Variants in PARD3 observed in about 807,000 individuals in gnomAD.
PARD3 encodes the protein partitioning defective 3 homolog.
In PARD3, 75 loss-of-function variants were observed where a neutral mutation model predicts 155.4. That is an observed-to-expected ratio of 0.48 (90% CI 0.40 to 0.58). The LOEUF (loss-of-function observed/expected upper bound fraction) is 0.58. Among genes scored for constraint, PARD3 ranks in the 20% least tolerant of loss-of-function variants. The pLI, the probability that PARD3 is intolerant of heterozygous loss-of-function variation, is 0.00. For missense variants in PARD3, 1,642 were observed against 1,721.7 expected, an observed-to-expected ratio of 0.95 and a Z score of 0.82; for synonymous variants, 576 against 610.5, an observed-to-expected ratio of 0.94 and a Z score of 0.83.
intron 1 of PARD3, among the ~76,000 whole-genome samples, chr10:34,741,288 G>C (rs11009909): frequency 1.3e-5 from 2 of 150,084 alleles, no homozygotes; most frequent in Non-Finnish European, 3.0e-5. Flanking sequence ...GGGCTCAAGT[G>C]ATCCTCCCAC....
chr10:34,765,353 T>C (rs573409186), intron 1 of PARD3, among the ~76,000 whole-genome samples: 1 of 152,254 alleles, frequency 6.6e-6, no homozygotes, highest in East Asian at 1.9e-4. Context: ...AAACCAGGCA[T>C]GGTTTTGAGT....
At chr10:34,308,147 A>G (rs891073329) in intron 20 of PARD3, among the ~76,000 whole-genome samples, 1 of 150,348 alleles carries the variant, frequency 6.7e-6, no homozygotes, top group Admixed American at 6.6e-5. Flanking sequence ...AAAGAGCGGT[A>G]GGGACAAGGT....
Position 34,466,354 on chromosome 10 carries a change from G to GA in PARD3, c.582+3730dup. Among the ~76,000 whole-genome samples the GA allele has an allele frequency of 2.6e-5, 4 of 152,206 alleles. No homozygotes were observed. The South Asian group carries it at 8.3e-4, about 32-fold the overall frequency. On this transcript the variant is annotated intron_variant, in intron 4 of 24. Coordinates refer to ENST00000374788, the MANE Select transcript of PARD3 (RefSeq NM_001184785.2). ...AGATTATGACCACTATTTCAACAAGGAAGACTCCACCTCTCGTTTGTGATT... is the reference window on the plus strand; with the variant it reads ...AGATTATGACCACTATTTCAACAAGGAAAGACTCCACCTCTCGTTTGTGATT...
intron 2 of PARD3, among the ~76,000 whole-genome samples, chr10:34,627,578 C>T (rs1407800851): frequency 6.6e-6 from 1 of 152,138 alleles, no homozygotes; most frequent in Non-Finnish European, 1.5e-5. Flanking sequence ...AGGGAGAAGG[C>T]CAGGTGAAGG....
intron 3 of PARD3, among the ~76,000 whole-genome samples, chr10:34,483,903 CTTAA>C (rs1351467254): frequency 1.3e-5 from 2 of 152,142 alleles, no homozygotes; most frequent in Admixed American, 1.3e-4. Context: ...ATAAAGACAT[CTTAA>C]TTAATATATA....
intron 1 of PARD3, among the ~76,000 whole-genome samples, chr10:34,798,790 C>T (rs959742596): frequency 1.3e-5 from 2 of 151,858 alleles, no homozygotes; most frequent in Middle Eastern, 3.2e-3. Flanking sequence ...CTGATCATCT[C>T]AACTTGTGTT....
chr10:34,808,917 C>T (rs544455226), intron 1 of PARD3, among the ~76,000 whole-genome samples: 9 of 152,308 alleles, frequency 5.9e-5, no homozygotes, highest in Non-Finnish European at 1.2e-4. Flanking sequence ...TCTCAACTGA[C>T]GGAATCAGAG....
chr10:34,790,467 G>A (rs1013616915), intron 1 of PARD3, among the ~76,000 whole-genome samples: 8 of 152,190 alleles, frequency 5.3e-5, no homozygotes, highest in African/African-American at 1.9e-4. Context: ...CCCTGATAAG[G>A]CTAGCAAGCC....
intron 2 of PARD3, among the ~76,000 whole-genome samples, chr10:34,666,331 A>G (rs2093470608): frequency 6.6e-6 from 1 of 152,166 alleles, no homozygotes; most frequent in African/African-American, 2.4e-5. Context: ...ATGGCTGATC[A>G]AGCAGCCAGA....
intron 1 of PARD3, among the ~76,000 whole-genome samples, chr10:34,776,899 C>T (rs1416450469): frequency 6.8e-6 from 1 of 147,362 alleles, no homozygotes; most frequent in Non-Finnish European, 1.5e-5. Context: ...TGCAATGGCA[C>T]AATCTCAGCT....
intron 20 of PARD3, among the ~76,000 whole-genome samples, chr10:34,302,457 A>G (rs1957200481): frequency 6.6e-6 from 1 of 152,188 alleles, no homozygotes. Flanking sequence ...CAAAGAGGTT[A>G]ATTAACTGGC....
At chr10:34,705,426 T>C (rs761757702) in intron 1 of PARD3, among the ~76,000 whole-genome samples, 7 of 150,460 alleles carry the variant, frequency 4.7e-5, no homozygotes, top group Non-Finnish European at 1.0e-4. Flanking sequence ...AGGTGGACAA[T>C]ACAGTAAGCT....
At chr10:34,698,093 C>T (rs1229652590) in intron 1 of PARD3, among the ~76,000 whole-genome samples, 3 of 152,036 alleles carry the variant, frequency 2.0e-5, no homozygotes, top group Admixed American at 2.0e-4. Context: ...TCAAGGGTGA[C>T]CCAATCAACT....
At chr10:34,607,845 C>G (rs1203779623) in intron 2 of PARD3, among the ~76,000 whole-genome samples, 3 of 152,190 alleles carry the variant, frequency 2.0e-5, no homozygotes, top group Admixed American at 2.0e-4. Flanking sequence ...TTTTCTTTCA[C>G]CTAACATCAG....
chr10:34,196,017 T>C lies in PARD3; in HGVS notation c.3420-64434A>G, dbSNP rs185151390. Among the ~76,000 whole-genome samples the C allele has an allele frequency of 2.3e-3, 355 of 152,320 alleles. 1 individual carries two copies. Among genetic ancestry groups the C allele is most frequent in the African/African-American group, 6.7e-3 (278 of 41,584 alleles). ...GCACAGAATATGCATTCAAGAAATA[T>C]TAGCTATAATAGAATTGGTTTACTT... On this transcript the variant is annotated intron_variant, in intron 22 of 24. Coordinates refer to ENST00000374788, the MANE Select transcript of PARD3 (RefSeq NM_001184785.2).
intron 2 of PARD3, among the ~76,000 whole-genome samples, chr10:34,536,203 CA>C (rs946082130): frequency 5.3e-5 from 8 of 150,342 alleles, no homozygotes; most frequent in East Asian, 1.9e-4. Context: ...TTCAGTATAA[CA>C]AAAAAAAAAT....
rs1554804682 is a variant in PARD3 at position 34,666,816 on chromosome 10, T to TACACAC, written c.222+29496_222+29501dup. On this transcript the variant is annotated intron_variant, in intron 2 of 24. Transcript: ENST00000374788. ...AAAAAAATATATATATATATATATA[T>TACACAC]ACACACACACACACACACACAAACA... Among the ~76,000 whole-genome samples, 511 of 88,736 alleles carry TACACAC rather than the reference T, an allele frequency of 5.8e-3. 14 individuals carry two copies. The highest frequency in any genetic ancestry group is 0.021 in the African/African-American group (455 of 21,294). The allele number at this position is 88,736 out of a possible 152,430, so 58.2% of individuals were successfully genotyped here. A position where few individuals can be genotyped will look rare whatever the true frequency, so the allele number is the denominator to read the frequency against.
intron 2 of PARD3, among the ~76,000 whole-genome samples, chr10:34,681,728 TTTTATATA>T (rs1274421082): frequency 2.0e-4 from 13 of 65,542 alleles, no homozygotes; most frequent in African/African-American, 6.9e-4. Flanking sequence ...TACGTATGTA[TTTTATATA>T]TATATATATA....
rs73269427 is a variant in PARD3, at chr10:34,651,717, C to T, written c.222+44601G>A. On this transcript the variant is annotated intron_variant, in intron 2 of 24. Transcript: ENST00000374788. ...AACTGTATCATATTAGTTACTTAGA[C>T]CCATTTCATCATGGATAACAAGGAA... Among the ~76,000 whole-genome samples, 574 of 152,264 alleles carry T rather than the reference C, an allele frequency of 3.8e-3. 2 individuals carry two copies. Among genetic ancestry groups the T allele is most frequent in the African/African-American group, 0.013 (544 of 41,522 alleles).
Sources: gnomAD v4.1 joint callset for allele counts (sites outside exome capture counted in the v4.1 genomes callset) on GRCh38, gnomAD v4.1.1 for gene constraint, MANE v1.5 for transcripts, NCBI Gene and HGNC (gene_info 2026-07-23, HGNC 2026-07-21) for gene names.